The following OPCML variants were observed in gnomAD, a reference collection of about 807,000 sequenced individuals.
OPCML encodes the protein opioid binding protein/cell adhesion molecule like.
A neutral mutation model predicts 37.8 loss-of-function variants in OPCML; 13 were observed. The ratio of observed to expected loss-of-function variants is 0.34; its 90% CI spans 0.22 to 0.55. The LOEUF (loss-of-function observed/expected upper bound fraction) is 0.55, where lower values mean the gene tolerates loss of function less well. Among genes scored for constraint, OPCML ranks in the 20% least tolerant of loss-of-function variants. The pLI is 0.91. For synonymous variants in OPCML, 176 were observed against 168.8 expected (o/e 1.04, Z -0.33); for missense variants, 341 against 435.6 (o/e 0.78, Z 1.93).
chr11:132,729,628 C>T (rs1270965558), intron 2 of OPCML, among the ~76,000 whole-genome samples: 1 of 152,228 alleles, frequency 6.6e-6, no homozygotes, highest in Non-Finnish European at 1.5e-5. Flanking sequence ...GCAGCAATTG[C>T]ATCTACTCAG....
At chr11:133,010,626 T>A (rs1404222759) in intron 1 of OPCML, among the ~76,000 whole-genome samples, 1 of 152,230 alleles carries the variant, frequency 6.6e-6, no homozygotes, top group Non-Finnish European at 1.5e-5. Flanking sequence ...TCTTTAGCCT[T>A]ATCCTTTTTA....
At chr11:133,463,547 A>G (rs1291270744) in intron 1 of OPCML, among the ~76,000 whole-genome samples, 4 of 152,152 alleles carry the variant, frequency 2.6e-5, no homozygotes, top group Non-Finnish European at 4.4e-5. Context: ...CCACCTCACA[A>G]CACCAAATAT....
chr11:132,817,664 A>G, intron 2 of OPCML, among the ~76,000 whole-genome samples: 1 of 152,136 alleles, frequency 6.6e-6, no homozygotes, highest in Admixed American at 6.5e-5. Context: ...CAGCTTTACC[A>G]GGAGGGCTTT....
chr11:133,437,893 C>T (rs1036935395), intron 1 of OPCML, among the ~76,000 whole-genome samples: 2 of 152,070 alleles, frequency 1.3e-5, no homozygotes, highest in Non-Finnish European at 2.9e-5. Flanking sequence ...GGCAAACTTG[C>T]ATTCAAGTAT....
chr11:133,014,696 A>T (rs1947287051), intron 1 of OPCML, among the ~76,000 whole-genome samples: 1 of 152,248 alleles, frequency 6.6e-6, no homozygotes, highest in African/African-American at 2.4e-5. Context: ...TTGCATTTGC[A>T]TGAGAACAAC....
intron 1 of OPCML, among the ~76,000 whole-genome samples, chr11:133,289,890 G>A (rs1413213359): frequency 6.6e-6 from 1 of 152,138 alleles, no homozygotes; most frequent in Admixed American, 6.5e-5. Flanking sequence ...GTCTGCACAG[G>A]TGCTGGGGGA....
At chr11:133,219,314 C>T (rs986246249) in intron 1 of OPCML, among the ~76,000 whole-genome samples, 1 of 152,222 alleles carries the variant, frequency 6.6e-6, no homozygotes, top group Non-Finnish European at 1.5e-5. Context: ...TGTAGTCCAA[C>T]AGAACGTTCT....
At chr11:133,257,450 G>A (rs149417436) in intron 1 of OPCML, among the ~76,000 whole-genome samples, 10 of 152,268 alleles carry the variant, frequency 6.6e-5, no homozygotes, top group Admixed American at 2.6e-4. Context: ...GCTGCATTAC[G>A]ATCGGTTGTT....
intron 1 of OPCML, among the ~76,000 whole-genome samples, chr11:133,101,107 T>C (rs896890115): frequency 6.6e-6 from 1 of 152,066 alleles, no homozygotes; most frequent in African/African-American, 2.4e-5. Context: ...GTATTTTTAG[T>C]AGAGACGGGG....
At chr11:133,196,595 C>T (rs928387595) in intron 1 of OPCML, among the ~76,000 whole-genome samples, 1 of 152,164 alleles carries the variant, frequency 6.6e-6, no homozygotes, top group African/African-American at 2.4e-5. Context: ...GCACTGCTCA[C>T]TGAGAGATTT....
intron 1 of OPCML, among the ~76,000 whole-genome samples, chr11:133,136,317 G>A (rs945443845): frequency 6.6e-6 from 1 of 152,092 alleles, no homozygotes; most frequent in Non-Finnish European, 1.5e-5. Flanking sequence ...TGCCTCTGCT[G>A]CCAAACTCAA....
chr11:132,730,008 CTTT>C (rs11389495), intron 2 of OPCML, among the ~76,000 whole-genome samples: 5 of 88,468 alleles, frequency 5.7e-5, no homozygotes, highest in Admixed American at 3.2e-4. Flanking sequence ...TTCTATGTGA[CTTT>C]TTTTTTTTTT....
chr11:132,564,436 G>A (rs1443082566), intron 3 of OPCML, among the ~76,000 whole-genome samples: 1 of 152,322 alleles, frequency 6.6e-6, no homozygotes, highest in Middle Eastern at 3.4e-3. Context: ...TCAGCAATCA[G>A]AGAACACATC....
intron 1 of OPCML, among the ~76,000 whole-genome samples, chr11:133,158,349 T>C (rs775029964): frequency 6.6e-6 from 1 of 152,096 alleles, no homozygotes; most frequent in Non-Finnish European, 1.5e-5. Flanking sequence ...TAAATGATAA[T>C]TATAAGGAAG....
At chr11:132,710,416 T>C (rs1944213233) in intron 2 of OPCML, among the ~76,000 whole-genome samples, 2 of 152,312 alleles carry the variant, frequency 1.3e-5, no homozygotes, top group South Asian at 4.1e-4. Flanking sequence ...GTAAGCATAG[T>C]GGCATCCATT....
chr11:132,868,116 G>A (rs1037295101), intron 2 of OPCML, among the ~76,000 whole-genome samples: 6 of 152,210 alleles, frequency 3.9e-5, no homozygotes, highest in East Asian at 3.9e-4. Context: ...TGTGGAAAGC[G>A]GGGAGGGGTT....
intron 1 of OPCML, among the ~76,000 whole-genome samples, chr11:132,973,253 G>A (rs1228801197): frequency 6.6e-6 from 1 of 152,092 alleles, no homozygotes; most frequent in East Asian, 1.9e-4. Context: ...CTCTGTGCAA[G>A]TGGGTATTGT....
At chr11:132,758,235 C>T (rs149187851) in intron 2 of OPCML, among the ~76,000 whole-genome samples, 5 of 152,246 alleles carry the variant, frequency 3.3e-5, no homozygotes, top group Admixed American at 6.5e-5. Flanking sequence ...AGTCAGGTAA[C>T]GTGATGCCTC....
At chr11:133,450,311 T>C (rs1212822523) in intron 1 of OPCML, among the ~76,000 whole-genome samples, 1 of 151,696 alleles carries the variant, frequency 6.6e-6, no homozygotes, top group East Asian at 1.9e-4. Flanking sequence ...TCAGGTATTC[T>C]CCAAATACTA....
Sources: gnomAD v4.1 joint callset for allele counts (sites outside exome capture counted in the v4.1 genomes callset) on GRCh38, gnomAD v4.1.1 for gene constraint, MANE v1.5 for transcripts, NCBI Gene and HGNC (gene_info 2026-07-23, HGNC 2026-07-21) for gene names.